CLMP: variants seen among roughly 807,000 people sequenced by gnomAD.
CLMP encodes the protein CXADR-like membrane protein.
In CLMP, 27 loss-of-function variants were observed where a neutral mutation model predicts 45.2. That is an observed-to-expected ratio of 0.60 (90% CI 0.44 to 0.82). The LOEUF (loss-of-function observed/expected upper bound fraction) is 0.82. CLMP is among the 40% of genes least tolerant of loss of function. The probability of loss-of-function intolerance (pLI) is 0.00; values close to 1 mark genes in which losing one functional copy is unlikely to be tolerated. For synonymous variants in CLMP, 167 were observed against 171.4 expected, an observed-to-expected ratio of 0.97 and a Z score of 0.20; for missense variants, 403 against 448.4, an observed-to-expected ratio of 0.90 and a Z score of 0.91.
rs1193643397 is a variant in CLMP, at chr11:123,195,035, G to A, written c.-95C>T. ...ACGGACCTCGGGCGAGCTGGGCGCG[G>A]CGCCTCGGGGTGCGCGCGAGGTGGC... On this transcript the variant is annotated 5_prime_UTR_variant, in exon 1 of 7. Transcript: ENST00000448775. 7.1e-6 allele frequency: 9 copies of A among 1,267,480 alleles called. No individual in the cohort carries two copies. The highest frequency in any genetic ancestry group is 7.4e-6 in the Non-Finnish European group (7 of 947,360). 78.5% of individuals were successfully genotyped at this position (1,267,480 alleles called of 1,614,324 possible). A position where few individuals can be genotyped will look rare whatever the true frequency, so the allele number is the denominator to read the frequency against.
chr11:123,181,154 A>G (rs1861763797), intron 1 of CLMP, among the ~76,000 whole-genome samples: 1 of 152,178 alleles, frequency 6.6e-6, no homozygotes. Flanking sequence ...TCTCCCTTCC[A>G]GTCTATCTTC....
intron 1 of CLMP, among the ~76,000 whole-genome samples, chr11:123,135,203 T>C (rs902290438): frequency 1.4e-5 from 2 of 144,072 alleles, no homozygotes; most frequent in Non-Finnish European, 3.0e-5. Flanking sequence ...GAGGTTGCAG[T>C]GAGCCAAGAC....
intron 2 of CLMP, among the ~76,000 whole-genome samples, chr11:123,085,182 CTT>C (rs112855358): frequency 0.25 from 33,567 of 136,796 alleles, 3,966 homozygotes; most frequent in East Asian, 0.38. Flanking sequence ...GCCTCCCATT[CTT>C]TTTTTTTTTT....
At chr11:123,131,895 C>T (rs1860995179) in intron 1 of CLMP, among the ~76,000 whole-genome samples, 2 of 152,124 alleles carry the variant, frequency 1.3e-5, no homozygotes, top group South Asian at 2.1e-4. Flanking sequence ...GGATTACAGG[C>T]GTGAGCCACT....
At chr11:123,175,005 G>A (rs1861679514) in intron 1 of CLMP, among the ~76,000 whole-genome samples, 1 of 152,194 alleles carries the variant, frequency 6.6e-6, no homozygotes, top group South Asian at 2.1e-4. Flanking sequence ...GCCAGCTGGA[G>A]TATGGTGATG....
intron 1 of CLMP, among the ~76,000 whole-genome samples, chr11:123,107,959 T>C (rs1860583307): frequency 6.6e-6 from 1 of 151,880 alleles, no homozygotes; most frequent in Non-Finnish European, 1.5e-5. Context: ...GTAGAGAAGG[T>C]CATTCCTGAC....
chr11:123,160,279 CA>C (rs67087501), intron 1 of CLMP, among the ~76,000 whole-genome samples: 24 of 46,672 alleles, frequency 5.1e-4, no homozygotes, highest in African/African-American at 1.8e-3. Context: ...GACTCTGTCT[CA>C]AAAAAAAAAA....
chr11:123,120,557 GA>G lies in CLMP; in HGVS notation c.29-22606del, dbSNP rs537480296. ...TAGTTTTCTTGTCTATAAAATGGAG[GA>G]AATAATTGTATTCAATTATTTGATG... On this transcript the variant is annotated intron_variant, in intron 1 of 6. Coordinates refer to ENST00000448775, the MANE Select transcript of CLMP (RefSeq NM_024769.5). 1.6e-4 allele frequency among the ~76,000 whole-genome samples: 25 copies of G among 152,196 alleles called. No homozygotes were observed. The South Asian group carries it at 2.1e-3, about 13-fold the overall frequency.
chr11:123,157,130 G>A (rs1247575708), intron 1 of CLMP, among the ~76,000 whole-genome samples: 1 of 152,126 alleles, frequency 6.6e-6, no homozygotes, highest in Non-Finnish European at 1.5e-5. Flanking sequence ...GCCACAGAAG[G>A]GTGGAATATT....
chr11:123,138,463 G>A (rs912255512), intron 1 of CLMP, among the ~76,000 whole-genome samples: 1 of 152,074 alleles, frequency 6.6e-6, no homozygotes, highest in Non-Finnish European at 1.5e-5. Flanking sequence ...TGTATTGTTT[G>A]CAATTATTGC....
chr11:123,083,643 TTTG>T (rs1865829236), intron 4 of CLMP, 34 bp downstream of exon 4: 1 of 1,609,224 alleles, frequency 6.2e-7, no homozygotes, highest in African/African-American at 1.3e-5. Context: ...AGAGGACTAT[TTTG>T]TTGGCTCAAT....
chr11:123,184,784 G>A (rs950510170), intron 1 of CLMP, among the ~76,000 whole-genome samples: 2 of 152,330 alleles, frequency 1.3e-5, no homozygotes, highest in African/African-American at 2.4e-5. Context: ...CTCCTGGAAC[G>A]GGATTTTACA....
intron 2 of CLMP, among the ~76,000 whole-genome samples, chr11:123,094,780 C>G (rs897084358): frequency 6.6e-6 from 1 of 152,114 alleles, no homozygotes; most frequent in Non-Finnish European, 1.5e-5. Flanking sequence ...ACCTTTCTAA[C>G]TACCCCTTCC....
intron 1 of CLMP, 23 bp from the exon 2 acceptor site, chr11:123,097,975 G>A: frequency 6.6e-7 from 1 of 1,504,378 alleles, no homozygotes; most frequent in Non-Finnish European, 8.9e-7. Context: ...AATCTTTAAT[G>A]AGTAATGCAG....
chr11:123,136,084 C>G, intron 1 of CLMP: 1 of 607,804 alleles, frequency 1.6e-6, no homozygotes, highest in Non-Finnish European at 3.2e-6. Flanking sequence ...TCTTTTTCAA[C>G]TCTCTTCCAG....
intron 1 of CLMP, among the ~76,000 whole-genome samples, chr11:123,124,965 C>T (rs1455885191): frequency 1.3e-5 from 2 of 152,064 alleles, no homozygotes; most frequent in Non-Finnish European, 2.9e-5. Context: ...GGTGAGATCC[C>T]GGTTCACTGC....
At chr11:123,190,303 G>A (rs546496153) in intron 1 of CLMP, among the ~76,000 whole-genome samples, 13 of 152,200 alleles carry the variant, frequency 8.5e-5, no homozygotes, top group African/African-American at 2.9e-4. Context: ...TTATCATCAT[G>A]TGCTACCAAT....
At position 123,072,049 on chromosome 11, in the gene CLMP, T is replaced by A. The variant is rs551319198; in HGVS notation, c.*1425A>T. On this transcript the variant is annotated 3_prime_UTR_variant, in exon 7 of 7. Transcript: ENST00000448775. Reference sequence around the variant, plus strand: ...TTCTCATCTCTTCCCTAAATATTAGTACCCTTTTCTTCCAGCCCAGAGCTA... The same window carrying A: ...TTCTCATCTCTTCCCTAAATATTAGAACCCTTTTCTTCCAGCCCAGAGCTA... 2 of 152,322 alleles carry A rather than the reference T, an allele frequency of 1.3e-5. No homozygotes were observed. The highest frequency in any genetic ancestry group is 4.8e-5 in the African/African-American group (2 of 41,574). The allele number at this position is 152,322 out of a possible 1,614,324, so 9.4% of individuals were successfully genotyped here.
chr11:123,191,907 T>A (rs923194481), intron 1 of CLMP, among the ~76,000 whole-genome samples: 1 of 152,194 alleles, frequency 6.6e-6, no homozygotes, highest in African/African-American at 2.4e-5. Flanking sequence ...TGGAACACCA[T>A]AATACAAAGT....
Sources: gnomAD v4.1 joint callset for allele counts (sites outside exome capture counted in the v4.1 genomes callset) on GRCh38, gnomAD v4.1.1 for gene constraint, MANE v1.5 for transcripts, NCBI Gene and HGNC (gene_info 2026-07-23, HGNC 2026-07-21) for gene names.